Variants in TTN observed in about 807,000 individuals in gnomAD.
The protein encoded by TTN is connectin.
TTN carries 1,525 observed loss-of-function variants against 3,223.0 expected under a neutral mutation model. The ratio of observed to expected loss-of-function variants is 0.47; its 90% CI spans 0.45 to 0.49. The LOEUF is 0.49. Among genes scored for constraint, TTN ranks in the 20% least tolerant of loss-of-function variants. The probability of loss-of-function intolerance (pLI) is 0.00; values close to 1 mark genes in which losing one functional copy is unlikely to be tolerated. For synonymous variants in TTN, 14,094 were observed against 15,161.0 expected (o/e 0.93, Z 5.17); for missense variants, 40,786 against 43,424.0 (o/e 0.94, Z 5.40).
At chr2:178,738,458 A>T (rs78925437) in intron 48 of TTN, 98 bp from the exon 49 acceptor site, 3 of 1,395,974 alleles carry the variant, frequency 2.1e-6, no homozygotes, top group Admixed American at 5.6e-5. Flanking sequence ...GGAGTAAAAC[A>T]GTTGAAATTG....
Position 178,672,220 on chromosome 2 carries a change from C to A in TTN, c.34978G>T (p.Val11660Leu). 3.8e-6 allele frequency: 6 copies of A among 1,566,252 alleles called. No individual in the cohort carries two copies. Among genetic ancestry groups the A allele is most frequent in the Non-Finnish European group, 5.2e-6 (6 of 1,154,388 alleles). Residue 11660 changes from valine to leucine, a missense_variant, in exon 155 of 363, where the codon GTA becomes TTA. Val to Leu is a conservative substitution (Grantham distance 32, BLOSUM62 1). Coordinates refer to ENST00000589042, the MANE Select transcript of TTN (RefSeq NM_001267550.2). ...AATTCTAGTCTTTCTTTTACTACTA[C>A]TTCTTGGCGGAAGGCAACTGATACT... ...EKVSVAFRQE[V>L]VVKERLELEV... is the part of the protein sequence containing the mutation.
At chr2:178,758,707 G>A (rs2088070604) in intron 44 of TTN, 1 of 465,016 alleles carries the variant, frequency 2.2e-6, no homozygotes, top group East Asian at 4.0e-5. Context: ...TCTGATTCAT[G>A]CTGATTAGGA....
Position 178,576,658 on chromosome 2 carries a change from C to T in TTN, c.69586G>A (p.Asp23196Asn), listed in dbSNP as rs1162141375. The T allele has an allele frequency of 6.8e-6, 11 of 1,613,536 alleles. No homozygotes were observed. Among genetic ancestry groups the T allele is most frequent in the Admixed American group, 3.3e-5 (2 of 59,992 alleles). ...WVRAIKTPVS[D>N]LRCKVTGLQE... is the part of the protein sequence containing the mutation. ...AGTCCTGTTACTTTGCACCTGAGATCGGAAACTGGTGTTTTTATTGCTCTC... is the reference window on the plus strand; with the variant it reads ...AGTCCTGTTACTTTGCACCTGAGATTGGAAACTGGTGTTTTTATTGCTCTC... Residue 23196 changes from aspartate to asparagine, a missense_variant, in exon 325 of 363, where the codon GAT (aspartate) becomes AAT (asparagine). Asp to Asn is a conservative substitution (Grantham distance 23, BLOSUM62 1). Transcript: ENST00000589042. The surrounding 1 kb of genome is among the most constrained non-coding windows in gnomAD (Gnocchi z 4.3).
chr2:178,684,327 T>C lies in TTN; in HGVS notation c.32722+3A>G, dbSNP rs1182220171. The C allele has an allele frequency of 6.2e-7, 1 of 1,613,074 alleles. No individual in the cohort carries two copies. Among genetic ancestry groups the C allele is most frequent in the East Asian group, 2.2e-5 (1 of 44,894 alleles). Reference sequence around the variant, plus strand: ...ATTGTGCATAATGGAAGGGCGGATGTACCTCTTGCTTTTGGAGGCGCCTCT... The same window carrying C: ...ATTGTGCATAATGGAAGGGCGGATGCACCTCTTGCTTTTGGAGGCGCCTCT... On this transcript the variant is annotated splice_donor_region_variant and intron_variant, in intron 132 of 362. Coordinates refer to ENST00000589042, the MANE Select transcript of TTN (RefSeq NM_001267550.2).
Position 178,751,529 on chromosome 2 carries a change from A to T in TTN, c.11311+1595T>A, listed in dbSNP as rs544048014. 3.1e-6 allele frequency: 5 copies of T among 1,613,282 alleles called. No individual in the cohort carries two copies. The African/African-American group carries it at 6.7e-5, about 22-fold the overall frequency. On this transcript the variant is annotated intron_variant, in intron 47 of 362. Coordinates refer to ENST00000589042, the MANE Select transcript of TTN (RefSeq NM_001267550.2). ...CTTTATCCTATCTTCTCCCCTTTCAACTAAAGCCTCCACATTTTCATGTGT... is the reference window on the plus strand; with the variant it reads ...CTTTATCCTATCTTCTCCCCTTTCATCTAAAGCCTCCACATTTTCATGTGT...
chr2:178,582,789 C>T, intron 313 of TTN, 151 bp downstream of exon 313: 1 of 920,268 alleles, frequency 1.1e-6, no homozygotes, highest in Non-Finnish European at 1.5e-6. Flanking sequence ...CTCTTTTTAA[C>T]TCTAAAACGT....
rs1231552005 is a variant in TTN, at chr2:178,782,829, G to A, written c.3077C>T (p.Thr1026Ile). 2.4e-5 allele frequency: 38 copies of A among 1,613,322 alleles called. No individual in the cohort carries two copies. The highest frequency in any genetic ancestry group is 3.0e-5 in the Non-Finnish European group (35 of 1,179,878). ...ACCCTGCACAGCCAGATAGCAGGAT[G>A]TGCTGACGGTTCCAGCCTCATTTAC... ...SAVNEAGTVS[T>I]SCYLAVQVSE... The change falls in exon 18 of 363, where the codon ACA becomes ATA. Residue 1026 changes from threonine to isoleucine, a missense_variant. Coordinates refer to ENST00000589042, the MANE Select transcript of TTN (RefSeq NM_001267550.2).
Position 178,629,346 on chromosome 2 carries a change from T to G in TTN, c.44379A>C (p.Pro14793=). ...FDCELSYEDI[P]VEWYLKGKKL... Reference sequence around the variant, plus strand: ...TCTTCCCTTTGAGATACCATTCCACTGGGATATCTTCGTAGGAGAGCTCGC... The same window carrying G: ...TCTTCCCTTTGAGATACCATTCCACGGGGATATCTTCGTAGGAGAGCTCGC... Residue 14793 remains proline, a synonymous_variant, in exon 240 of 363, where the codon CCA becomes CCC. Transcript: ENST00000589042. 1 of 1,612,936 alleles carries G rather than the reference T, an allele frequency of 6.2e-7. No homozygotes were observed. Among genetic ancestry groups the G allele is most frequent in the Non-Finnish European group, 8.5e-7 (1 of 1,179,308 alleles).
Position 178,552,159 on chromosome 2 carries a change from A to C in TTN, c.90741T>G (p.Asp30247Glu). ...IKADSVILSW[D>E]VPEDNGGGEI... is the part of the protein sequence containing the mutation. Reference sequence around the variant, plus strand: ...CTCCTCCTCCATTATCTTCAGGTACATCCCATGACAGGATGACACTATCAG... The same window carrying C: ...CTCCTCCTCCATTATCTTCAGGTACCTCCCATGACAGGATGACACTATCAG... Residue 30247 changes from aspartate (D) to glutamate (E), a missense_variant, in exon 335 of 363, where the codon GAT (aspartate) becomes GAG (glutamate). Physicochemically the swap from Asp to Glu is conservative, Grantham distance 45. Transcript: ENST00000589042. 1 of 1,613,826 alleles carries C rather than the reference A, an allele frequency of 6.2e-7. No homozygotes were observed. Among genetic ancestry groups the C allele is most frequent in the South Asian group, 1.1e-5 (1 of 91,064 alleles).
rs1283154789 is a variant in TTN at position 178,651,674 on chromosome 2, G to A, written c.39455C>T (p.Pro13152Leu). 2 of 1,613,152 alleles carry A rather than the reference G, an allele frequency of 1.2e-6. No homozygotes were observed. The highest frequency in any genetic ancestry group is 1.3e-5 in the African/African-American group (1 of 74,888). The change falls in exon 206 of 363, where the codon CCA becomes CTA. Residue 13152 changes from proline to leucine, a missense_variant. Transcript: ENST00000589042. ...AVVAKKPELP[P>L]VKVPEVPKEV... ...GTGGCAGTGAGGAATACCTTTCACT[G>A]GTGGTAGTTCAGGTTTTTTGGCAAC...
intron 112 of TTN, among the ~76,000 whole-genome samples, chr2:178,697,738 C>A (rs1234734118): frequency 6.6e-6 from 1 of 152,102 alleles, no homozygotes; most frequent in Non-Finnish European, 1.5e-5. Context: ...CAACTGTTTT[C>A]CTAAAAATCT....
chr2:178,738,335 G>T lies in TTN; in HGVS notation c.14118C>A (p.Ile4706=), dbSNP rs267599072. 6.2e-7 allele frequency: 1 copy of T among 1,612,706 alleles called. No homozygotes were observed. Among genetic ancestry groups the T allele is most frequent in the Non-Finnish European group, 8.5e-7 (1 of 1,179,114 alleles). The part of the protein sequence containing the change: ...KRAAPVIKRK[I]EPLEVALGHL... ...GGCCCAGTGCTACTTCCAGGGGTTC[G>T]ATTTTCCTCTTGATCACTGGGGCAG... The change falls in exon 49 of 363, where the codon ATC becomes ATA. Residue 4706 remains isoleucine (I), a synonymous_variant. Coordinates refer to ENST00000589042, the MANE Select transcript of TTN (RefSeq NM_001267550.2).
rs1175733162 is a variant in TTN at position 178,642,264 on chromosome 2, G to A, written c.40531C>T (p.Pro13511Ser). 1 of 1,595,110 alleles carries A rather than the reference G, an allele frequency of 6.3e-7. No homozygotes were observed. The change falls in exon 219 of 363, where the codon CCA (proline) becomes TCA (serine). Residue 13511 changes from proline (P) to serine (S), a missense_variant. Transcript: ENST00000589042. ...RKLLPERKPEPKEEVVLKSVL... is the reference protein window; with the variant it reads ...RKLLPERKPESKEEVVLKSVL... Reference sequence around the variant, plus strand: ...CTTTTCAGAACAACTTCTTCCTTTGGTTCAGGTTTACGTTCCGGAAGTAAT... The same window carrying A: ...CTTTTCAGAACAACTTCTTCCTTTGATTCAGGTTTACGTTCCGGAAGTAAT...
intron 6 of TTN, among the ~76,000 whole-genome samples, chr2:178,796,291 T>C (rs879484916): frequency 6.6e-6 from 1 of 152,234 alleles, no homozygotes; most frequent in African/African-American, 2.4e-5. Context: ...CATTGCATTT[T>C]ATTAATTCTG....
chr2:178,565,333 G>A lies in TTN; in HGVS notation c.80799C>T (p.Thr26933=), dbSNP rs3813247. 6.2e-7 allele frequency: 1 copy of A among 1,613,572 alleles called. No individual in the cohort carries two copies. The highest frequency in any genetic ancestry group is 8.5e-7 in the Non-Finnish European group (1 of 1,179,676). Residue 26933 remains threonine (T), a synonymous_variant, in exon 326 of 363, where the codon ACC becomes ACT. Transcript: ENST00000589042. ...CTTCTTTAATGTGCAAAACAGTTGA[G>A]GTAGCTGTTTCTTCAACGTTTACTC... ...TTRVNVEETA[T]STVLHIKEGN...
chr2:178,587,817 G>A lies in TTN; in HGVS notation c.63509-17C>T, dbSNP rs1203307413. 1 of 1,574,912 alleles carries A rather than the reference G, an allele frequency of 6.3e-7. No homozygotes were observed. Among genetic ancestry groups the A allele is most frequent in the Admixed American group, 1.8e-5 (1 of 55,690 alleles). ...CCGGAGGTTCTGCAAATGACATTAAGGTCATTAATTGATTTTTCAGAATGT... is the reference window on the plus strand; with the variant it reads ...CCGGAGGTTCTGCAAATGACATTAAAGTCATTAATTGATTTTTCAGAATGT... On this transcript the variant is annotated splice_polypyrimidine_tract_variant and intron_variant, in intron 305 of 362. Coordinates refer to ENST00000589042, the MANE Select transcript of TTN (RefSeq NM_001267550.2).
Position 178,649,741 on chromosome 2 carries a change from A to G in TTN, c.39895+76T>C, listed in dbSNP as rs1387495446. 7.1e-6 allele frequency: 11 copies of G among 1,556,272 alleles called. No individual in the cohort carries two copies. The Admixed American group carries it at 8.6e-5, about 12-fold the overall frequency. ...AGGTAAGAGTTAACAAACATATAAT[A>G]CAACACAACACACAATAAGAAGAGT... On this transcript the variant is annotated intron_variant, in intron 211 of 362. Coordinates refer to ENST00000589042, the MANE Select transcript of TTN (RefSeq NM_001267550.2).
intron 135 of TTN, 40 bp from the exon 136 acceptor site, chr2:178,681,778 A>C (rs778620462): frequency 6.7e-7 from 1 of 1,490,850 alleles, no homozygotes; most frequent in South Asian, 1.3e-5. Context: ...TTAGACTTAG[A>C]ATATAAGTTT....
At chr2:178,679,783 T>G (rs983481155) in intron 140 of TTN, 101 bp from the exon 141 acceptor site, 3 of 1,547,736 alleles carry the variant, frequency 1.9e-6, no homozygotes, top group Non-Finnish European at 2.6e-6. Context: ...AAATATCTGC[T>G]TTAAAGTAAG....
Sources: allele counts gnomAD v4.1 joint callset (sites outside exome capture counted in the v4.1 genomes callset), GRCh38; gene constraint gnomAD v4.1.1; non-coding constraint Gnocchi (gnomAD v3.1); transcripts MANE v1.5; gene names NCBI Gene and HGNC (gene_info 2026-07-23, HGNC 2026-07-21).